Variants in RASGEF1A observed in about 807,000 individuals in gnomAD.
The protein encoded by RASGEF1A is RasGEF domain family member 1A, also known as ras-GEF domain-containing family member 1A.
Under a neutral mutation model 56.4 loss-of-function variants are expected in RASGEF1A, and 18 were observed. The observed-to-expected ratio is 0.32, with a 90% CI of 0.22 to 0.47. The LOEUF is 0.47. RASGEF1A is among the 20% of genes least tolerant of loss of function. The pLI is 1.00. For synonymous variants in RASGEF1A, 245 were observed against 242.6 expected (o/e 1.01, Z -0.09); for missense variants, 422 against 627.1 (o/e 0.67, Z 3.49).
At chr10:43,206,184 C>A in intron 1 of RASGEF1A, 62 bp from the exon 2 acceptor site, 1 of 1,387,554 alleles carries the variant, frequency 7.2e-7, no homozygotes, top group Non-Finnish European at 9.9e-7. Context: ...ACAGACCCTC[C>A]TCCCAGGCAG....
intron 1 of RASGEF1A, among the ~76,000 whole-genome samples, chr10:43,209,605 T>C (rs140338477): frequency 1.7e-3 from 264 of 152,236 alleles, no homozygotes; most frequent in African/African-American, 6.0e-3. Flanking sequence ...TCAGCACCCC[T>C]ACAGACCACA....
At chr10:43,246,401 G>C (rs1317753738) in intron 1 of RASGEF1A, among the ~76,000 whole-genome samples, 1 of 152,096 alleles carries the variant, frequency 6.6e-6, no homozygotes, top group Non-Finnish European at 1.5e-5. Flanking sequence ...TGTTGTTGTT[G>C]CACAAATTGA....
intron 2 of RASGEF1A, among the ~76,000 whole-genome samples, chr10:43,204,726 G>A (rs531630560): frequency 1.8e-4 from 28 of 152,334 alleles, no homozygotes; most frequent in African/African-American, 6.7e-4. Context: ...CTGGAGTCTC[G>A]TGGGAAGCTG....
intron 1 of RASGEF1A, among the ~76,000 whole-genome samples, chr10:43,225,410 C>T (rs1840264754): frequency 1.5e-5 from 2 of 135,108 alleles, no homozygotes; most frequent in Admixed American, 7.5e-5. Flanking sequence ...TGTGTGCCTG[C>T]ATGTGTCTCT....
intron 1 of RASGEF1A, among the ~76,000 whole-genome samples, chr10:43,253,033 T>C (rs2133226091): frequency 6.6e-6 from 1 of 152,300 alleles, no homozygotes; most frequent in African/African-American, 2.4e-5. Flanking sequence ...CAAACCCCCA[T>C]GGTCTCCTCT....
At chr10:43,234,576 G>T (rs767053759) in intron 1 of RASGEF1A, among the ~76,000 whole-genome samples, 1 of 152,184 alleles carries the variant, frequency 6.6e-6, no homozygotes, top group Non-Finnish European at 1.5e-5. Context: ...ATGAGGCTCA[G>T]CCCACAAGGC....
intron 1 of RASGEF1A, among the ~76,000 whole-genome samples, chr10:43,213,182 G>T (rs752840541): frequency 2.6e-5 from 4 of 151,938 alleles, no homozygotes; most frequent in Non-Finnish European, 5.9e-5. Context: ...AGACTCAGGT[G>T]GCTATAGTTT....
chr10:43,246,516 A>G (rs1840568634), intron 1 of RASGEF1A, among the ~76,000 whole-genome samples: 1 of 152,234 alleles, frequency 6.6e-6, no homozygotes, highest in Non-Finnish European at 1.5e-5. Flanking sequence ...CCTGACTTCA[A>G]AACTTACTAC....
rs563436952 is a variant in RASGEF1A, at chr10:43,256,791, C to T, written c.-7+10054G>A. ...GAGCCGTGAAGGTGGCATGAAACCCCGGGCCTCTGTTCCCCGACTTTCTTG... is the reference window on the plus strand; with the variant it reads ...GAGCCGTGAAGGTGGCATGAAACCCTGGGCCTCTGTTCCCCGACTTTCTTG... On this transcript the variant is annotated intron_variant, in intron 1 of 12. Transcript: ENST00000395810. 7.9e-5 allele frequency among the ~76,000 whole-genome samples: 12 copies of T among 152,290 alleles called. 1 individual carries two copies. In the South Asian group the frequency reaches 1.9e-3, roughly 24 times the overall value.
intron 1 of RASGEF1A, among the ~76,000 whole-genome samples, chr10:43,250,960 G>A (rs1840622006): frequency 6.6e-6 from 1 of 152,236 alleles, no homozygotes; most frequent in Non-Finnish European, 1.5e-5. Flanking sequence ...GCTGCCCAGG[G>A]CCAGGCAGAG....
chr10:43,197,978 C>A, intron 10 of RASGEF1A, 26 bp downstream of exon 10: 1 of 1,577,956 alleles, frequency 6.3e-7, no homozygotes, highest in South Asian at 1.1e-5. Context: ...TTCCGCCTGG[C>A]CTGCCCTGTG....
chr10:43,263,820 C>T (rs561630401), intron 1 of RASGEF1A, among the ~76,000 whole-genome samples: 2 of 152,154 alleles, frequency 1.3e-5, no homozygotes, highest in Non-Finnish European at 2.9e-5. Context: ...GCAGCAGAGC[C>T]GGGACAACCG....
intron 1 of RASGEF1A, among the ~76,000 whole-genome samples, chr10:43,220,795 A>C (rs1564534772): frequency 6.6e-6 from 1 of 150,540 alleles, no homozygotes; most frequent in Non-Finnish European, 1.5e-5. Context: ...AAAAAAAAAA[A>C]AGGGGGGGGA....
rs541364718 is a variant in RASGEF1A, at chr10:43,238,176, G to T, written c.-7+28669C>A. The stretch of plus-strand genomic sequence containing the variant: ...ACAGAGTAACACCTGCCCCTCAGGA[G>T]GGTTAGCCATGTCGACTTAAAGGGG... On this transcript the variant is annotated intron_variant, in intron 1 of 12. Transcript: ENST00000395810. Among the ~76,000 whole-genome samples, 22 of 35,658 alleles carry T rather than the reference G, an allele frequency of 6.2e-4. No homozygotes were observed. The South Asian group carries it at 0.012, about 19-fold the overall frequency. 23.4% of individuals were successfully genotyped at this position (35,658 alleles called of 152,430 possible).
intron 1 of RASGEF1A, among the ~76,000 whole-genome samples, chr10:43,247,799 C>T (rs1384940776): frequency 6.6e-6 from 1 of 152,122 alleles, no homozygotes; most frequent in Non-Finnish European, 1.5e-5. Context: ...TGGTGGCTCA[C>T]ACCTATAATC....
intron 1 of RASGEF1A, among the ~76,000 whole-genome samples, chr10:43,224,581 A>G (rs1168909592): frequency 1.3e-5 from 2 of 152,198 alleles, no homozygotes; most frequent in East Asian, 3.9e-4. Flanking sequence ...CACTCTTGGC[A>G]ATTAATGTAG....
rs376879196 is a variant in RASGEF1A, at chr10:43,250,645, G to T, written c.-7+16200C>A. 6.2e-4 allele frequency among the ~76,000 whole-genome samples: 95 copies of T among 152,268 alleles called. 1 individual carries two copies. The highest frequency in any genetic ancestry group is 3.4e-3 in the Middle Eastern group (1 of 294). On this transcript the variant is annotated intron_variant, in intron 1 of 12. Coordinates refer to ENST00000395810, the MANE Select transcript of RASGEF1A (RefSeq NM_145313.4). ...GTGTGGGGTGTGCCGAAGGGGAAGG[G>T]GGGGGTCAGGCACCCTAGAGGGTTC...
Position 43,243,619 on chromosome 10 carries a change from G to T in RASGEF1A, c.-7+23226C>A, listed in dbSNP as rs149685170. ...CTGCCCCATCTGGGAGGTGAGGGGC[G>T]TCTCTGCCTGGCTGCCCCGCCTGGG... On this transcript the variant is annotated intron_variant, in intron 1 of 12. Coordinates refer to ENST00000395810, the MANE Select transcript of RASGEF1A (RefSeq NM_145313.4). Among the ~76,000 whole-genome samples, 28 of 145,112 alleles carry T rather than the reference G, an allele frequency of 1.9e-4. 1 individual carries two copies. In the East Asian group the frequency reaches 3.2e-3, roughly 16 times the overall value.
At chr10:43,210,914 C>T (rs1365331521) in intron 1 of RASGEF1A, among the ~76,000 whole-genome samples, 1 of 149,156 alleles carries the variant, frequency 6.7e-6, no homozygotes, top group Non-Finnish European at 1.5e-5. Context: ...CTTGGAGCAG[C>T]AGCCCCTTGC....
Sources: allele counts gnomAD v4.1 joint callset (sites outside exome capture counted in the v4.1 genomes callset), GRCh38; gene constraint gnomAD v4.1.1; transcripts MANE v1.5; gene names NCBI Gene and HGNC (gene_info 2026-07-23, HGNC 2026-07-21).